The following TENM3 variants were observed in gnomAD, a reference collection of about 807,000 sequenced individuals.
TENM3 encodes the protein teneurin transmembrane protein 3.
In TENM3, 63 loss-of-function variants were observed where a neutral mutation model predicts 255.1. The observed-to-expected ratio is 0.25, with a 90% CI of 0.20 to 0.30. The LOEUF is 0.30. Among genes scored for constraint, TENM3 ranks in the 10% least tolerant of loss-of-function variants. TENM3 has a pLI of 1.00. For synonymous variants in TENM3, 1,306 were observed against 1,322.3 expected (o/e 0.99, Z 0.27); for missense variants, 2,929 against 3,461.1 (o/e 0.85, Z 3.86).
chr4:181,729,615 T>C, the TENM3 span, among the ~76,000 whole-genome samples: 3 of 152,176 alleles, frequency 2.0e-5, no homozygotes, highest in African/African-American at 7.2e-5. Context: ...CCAAATTTGG[T>C]ATGTTAAACA....
At chr4:181,820,486 AACACACAC>A in the TENM3 span, among the ~76,000 whole-genome samples, 115 of 148,174 alleles carry the variant, frequency 7.8e-4, no homozygotes, top group African/African-American at 2.6e-3. Context: ...ATTTTCTTTA[AACACACAC>A]ACACACACAC....
the TENM3 span, among the ~76,000 whole-genome samples, chr4:181,933,269 A>G: frequency 1.3e-5 from 2 of 152,092 alleles, no homozygotes; most frequent in African/African-American, 4.8e-5. Flanking sequence ...TAATAAATAT[A>G]TTTTCTTGCA....
intron 3 of TENM3, among the ~76,000 whole-genome samples, chr4:182,426,819 T>G (rs1019678162): frequency 6.6e-6 from 1 of 152,202 alleles, no homozygotes; most frequent in African/African-American, 2.4e-5. Context: ...CATAACTAAT[T>G]GTTGAATTTA....
chr4:181,517,530 C>CA, the TENM3 span, among the ~76,000 whole-genome samples: 1 of 152,224 alleles, frequency 6.6e-6, no homozygotes, highest in Non-Finnish European at 1.5e-5. Flanking sequence ...AGAAATGCTA[C>CA]AGGACTCAGG....
intron 3 of TENM3, among the ~76,000 whole-genome samples, chr4:182,398,276 G>T (rs1443101031): frequency 2.0e-5 from 3 of 152,128 alleles, no homozygotes; most frequent in Non-Finnish European, 4.4e-5. Flanking sequence ...ACAGGCATTA[G>T]GCTGTGAGTC....
At chr4:182,567,526 AC>A (rs1251705851) in intron 3 of TENM3, among the ~76,000 whole-genome samples, 2 of 152,068 alleles carry the variant, frequency 1.3e-5, no homozygotes, top group Non-Finnish European at 2.9e-5. Flanking sequence ...GGCTCCTGTT[AC>A]CTCTGAACCT....
intron 16 of TENM3, among the ~76,000 whole-genome samples, chr4:182,734,600 G>A (rs915235438): frequency 2.0e-5 from 3 of 152,182 alleles, no homozygotes; most frequent in African/African-American, 7.2e-5. Flanking sequence ...ATTAGACAGG[G>A]ATTGGAAGAT....
At chr4:181,658,459 C>T in the TENM3 span, among the ~76,000 whole-genome samples, 68 of 152,248 alleles carry the variant, frequency 4.5e-4, no homozygotes, top group South Asian at 1.0e-3. Context: ...GCCTCTCAAC[C>T]TTCAACTCTT....
At chr4:181,951,556 G>A in the TENM3 span, among the ~76,000 whole-genome samples, 1 of 152,186 alleles carries the variant, frequency 6.6e-6, no homozygotes, top group Non-Finnish European at 1.5e-5. Context: ...GTCCATATTT[G>A]AAATCCACAC....
the TENM3 span, among the ~76,000 whole-genome samples, chr4:181,714,129 T>C: frequency 1.3e-5 from 2 of 152,142 alleles, no homozygotes; most frequent in Non-Finnish European, 2.9e-5. Context: ...GCATGTGAGA[T>C]GGTGCATTGA....
At chr4:182,221,766 C>T (rs1297579533) in intron 1 of TENM3, among the ~76,000 whole-genome samples, 2 of 152,184 alleles carry the variant, frequency 1.3e-5, no homozygotes, top group Non-Finnish European at 2.9e-5. Flanking sequence ...CATTTGATGT[C>T]ATATAGACCC....
the TENM3 span, among the ~76,000 whole-genome samples, chr4:181,795,933 G>A: frequency 6.6e-6 from 1 of 152,198 alleles, no homozygotes; most frequent in Non-Finnish European, 1.5e-5. Context: ...AAGCACAGAA[G>A]CAGAGAGACT....
chr4:182,164,154 G>A (rs79614796), intron 1 of TENM3, among the ~76,000 whole-genome samples: 511 of 152,218 alleles, frequency 3.4e-3, no homozygotes, highest in African/African-American at 0.012. Context: ...AGGCACCTTC[G>A]GTCATCCTGG....
At chr4:181,819,461 G>A in the TENM3 span, among the ~76,000 whole-genome samples, 59 of 152,224 alleles carry the variant, frequency 3.9e-4, 1 homozygote, top group African/African-American at 1.2e-3. Context: ...CCACAACCAT[G>A]GAGAACAGAT....
intron 2 of TENM3, among the ~76,000 whole-genome samples, chr4:182,331,871 T>TA (rs888674388): frequency 7.9e-5 from 12 of 152,220 alleles, no homozygotes; most frequent in East Asian, 7.7e-4. Context: ...CAAAAACTAT[T>TA]AAAAAAAGAA....
At chr4:182,373,746 C>T (rs566148291) in intron 3 of TENM3, among the ~76,000 whole-genome samples, 1 of 152,270 alleles carries the variant, frequency 6.6e-6, no homozygotes, top group African/African-American at 2.4e-5. Flanking sequence ...ACTTGAAGGG[C>T]ATAATTTCTT....
At chr4:181,516,782 A>G in the TENM3 span, among the ~76,000 whole-genome samples, 1 of 152,158 alleles carries the variant, frequency 6.6e-6, no homozygotes, top group Non-Finnish European at 1.5e-5. Flanking sequence ...ATCTCCAAAA[A>G]AAAAAAAGTC....
chr4:181,467,985 T>C, the TENM3 span, among the ~76,000 whole-genome samples: 1 of 151,950 alleles, frequency 6.6e-6, no homozygotes, highest in Non-Finnish European at 1.5e-5. Context: ...ATCGCCACAG[T>C]ACTAGGTAAA....
chr4:181,719,182 C>A, the TENM3 span, among the ~76,000 whole-genome samples: 4 of 151,054 alleles, frequency 2.6e-5, no homozygotes, highest in East Asian at 7.8e-4. Context: ...GTCCGCAGTC[C>A]GGCCTGGGCG....
Sources: allele counts gnomAD v4.1 joint callset (sites outside exome capture counted in the v4.1 genomes callset), GRCh38; gene constraint gnomAD v4.1.1; transcripts MANE v1.5; gene names NCBI Gene and HGNC (gene_info 2026-07-23, HGNC 2026-07-21).